The following DIS3L2 variants were observed in gnomAD, a reference collection of about 807,000 sequenced individuals.
DIS3L2 encodes DIS3 like 3'-5' exoribonuclease 2, also known as DIS3-like exonuclease 2.
In DIS3L2, 34 loss-of-function variants were observed where a neutral mutation model predicts 97.5. That is an observed-to-expected ratio of 0.35 (90% CI 0.27 to 0.46). The LOEUF (loss-of-function observed/expected upper bound fraction) is 0.46, where lower values mean the gene tolerates loss of function less well. DIS3L2 is among the 20% of genes least tolerant of loss of function. The probability of loss-of-function intolerance (pLI) is 1.00; values close to 1 mark genes in which losing one functional copy is unlikely to be tolerated. For missense variants in DIS3L2, 1,038 were observed against 1,146.0 expected, an observed-to-expected ratio of 0.91 and a Z score of 1.36; for synonymous variants, 435 against 445.2, an observed-to-expected ratio of 0.98 and a Z score of 0.29.
rs34104229 is a variant in DIS3L2, at chr2:232,325,828, C to T, written c.1740-3985C>T. ...GGCCCAGTGATCTCACGCCTGTGCC[C>T]CTGGTGCTGGGAGGAGTGGGGTGAC... On this transcript the variant is annotated intron_variant, in intron 14 of 20. Coordinates refer to ENST00000325385, the MANE Select transcript of DIS3L2 (RefSeq NM_152383.5). The surrounding 1 kb of genome is among the most constrained non-coding windows in gnomAD (Gnocchi z 4.6). Among the ~76,000 whole-genome samples the T allele has an allele frequency of 2.5e-3, 378 of 152,286 alleles. 1 individual carries two copies. The highest frequency in any genetic ancestry group is 4.4e-3 in the Non-Finnish European group (297 of 68,002).
chr2:232,331,525 G>T (rs1695738120), intron 16 of DIS3L2: 1 of 152,266 alleles, frequency 6.6e-6, no homozygotes, highest in South Asian at 2.1e-4. Flanking sequence ...AGCTCTGCTG[G>T]GTTTGAAGCC....
chr2:232,072,135 C>T (rs908747908), intron 5 of DIS3L2, among the ~76,000 whole-genome samples: 1 of 152,000 alleles, frequency 6.6e-6, no homozygotes, highest in African/African-American at 2.4e-5. Context: ...GGGGAAGGAC[C>T]AGAGTGCTTT....
At chr2:232,014,740 A>G (rs1211836918) in intron 1 of DIS3L2, 95 bp from the exon 2 acceptor site, 2 of 528,136 alleles carry the variant, frequency 3.8e-6, no homozygotes, top group Middle Eastern at 4.9e-4. Flanking sequence ...GAGGGGCACC[A>G]TGTTGCCTTT....
At chr2:232,043,814 G>A (rs1695169804) in intron 5 of DIS3L2, among the ~76,000 whole-genome samples, 1 of 152,162 alleles carries the variant, frequency 6.6e-6, no homozygotes, top group Non-Finnish European at 1.5e-5. Context: ...AAACCACAAA[G>A]AGTTTATCAT....
chr2:231,970,657 G>A (rs1003432765), intron 1 of DIS3L2, among the ~76,000 whole-genome samples: 1 of 152,226 alleles, frequency 6.6e-6, no homozygotes, highest in Non-Finnish European at 1.5e-5. Flanking sequence ...CAGTGAGTGA[G>A]TGGTGAATGA....
intron 9 of DIS3L2, among the ~76,000 whole-genome samples, chr2:232,196,869 C>T (rs1421701525): frequency 3.3e-5 from 5 of 151,708 alleles, no homozygotes; most frequent in African/African-American, 9.7e-5. Flanking sequence ...GGAGCTGGCA[C>T]CATTGTAATG....
At chr2:232,264,557 C>G (rs1391412924) in intron 13 of DIS3L2, among the ~76,000 whole-genome samples, 1 of 151,624 alleles carries the variant, frequency 6.6e-6, no homozygotes. Context: ...ATATTTCTCA[C>G]CCAAACACTC....
At chr2:232,340,358 T>C (rs1442686667), downstream of DIS3L2, among the ~76,000 whole-genome samples, 1 of 152,158 alleles carries the variant, frequency 6.6e-6, no homozygotes, top group East Asian at 1.9e-4. Context: ...TGGGGACCTC[T>C]GGGCTGGGGT....
At chr2:232,170,504 C>T (rs984239473) in intron 9 of DIS3L2, among the ~76,000 whole-genome samples, 8 of 152,110 alleles carry the variant, frequency 5.3e-5, no homozygotes, top group African/African-American at 1.9e-4. Flanking sequence ...TATTTCCTTA[C>T]TATTCCCTCA....
intron 6 of DIS3L2, among the ~76,000 whole-genome samples, chr2:232,109,954 T>G (rs957005510): frequency 1.3e-5 from 2 of 152,152 alleles, no homozygotes; most frequent in African/African-American, 4.8e-5. Context: ...TTGCAAACTA[T>G]CCATCTGACA....
At chr2:232,213,424 A>G (rs1327260255) in intron 10 of DIS3L2, among the ~76,000 whole-genome samples, 1 of 152,174 alleles carries the variant, frequency 6.6e-6, no homozygotes, top group East Asian at 1.9e-4. Flanking sequence ...TGAGTTGGTC[A>G]GGCAAACAGT....
At chr2:232,080,753 TA>T (rs1161847186) in intron 5 of DIS3L2, among the ~76,000 whole-genome samples, 1 of 151,880 alleles carries the variant, frequency 6.6e-6, no homozygotes, top group Non-Finnish European at 1.5e-5. Context: ...ATACAAAAAT[TA>T]GCCAGGTATG....
chr2:232,054,900 A>T (rs1444830990), intron 5 of DIS3L2, among the ~76,000 whole-genome samples: 1 of 152,240 alleles, frequency 6.6e-6, no homozygotes, highest in African/African-American at 2.4e-5. Context: ...TGTAGGGATA[A>T]TAGATTATGA....
At chr2:232,186,944 G>A (rs1443011438) in intron 9 of DIS3L2, among the ~76,000 whole-genome samples, 2 of 151,990 alleles carry the variant, frequency 1.3e-5, no homozygotes, top group Non-Finnish European at 2.9e-5. Context: ...TAGACAAATT[G>A]GACTTCATCA....
intron 5 of DIS3L2, among the ~76,000 whole-genome samples, chr2:232,042,737 C>A (rs943713830): frequency 2.6e-5 from 4 of 152,152 alleles, no homozygotes; most frequent in African/African-American, 9.7e-5. Flanking sequence ...GATAGAGTAG[C>A]TTATTTATGC....
intron 8 of DIS3L2, among the ~76,000 whole-genome samples, chr2:232,159,273 G>A (rs1050825687): frequency 1.3e-5 from 2 of 152,332 alleles, no homozygotes; most frequent in South Asian, 4.1e-4. Context: ...TGGCTGTAAT[G>A]CCAGTTATTC....
chr2:232,182,099 T>C (rs1189011211), intron 9 of DIS3L2, among the ~76,000 whole-genome samples: 1 of 152,244 alleles, frequency 6.6e-6, no homozygotes, highest in East Asian at 1.9e-4. Context: ...CTGATTGCTT[T>C]AGCTACATCC....
At chr2:231,998,028 T>C (rs1194536044) in intron 1 of DIS3L2, among the ~76,000 whole-genome samples, 1 of 152,222 alleles carries the variant, frequency 6.6e-6, no homozygotes, top group African/African-American at 2.4e-5. Context: ...GTTTTTCCTT[T>C]CATGATTTTA....
chr2:232,011,357 CTT>C (rs922510920), intron 1 of DIS3L2, among the ~76,000 whole-genome samples: 4 of 144,120 alleles, frequency 2.8e-5, no homozygotes, highest in Non-Finnish European at 3.1e-5. Context: ...CATTTTCTTT[CTT>C]TTTTTTTTTT....
Sources: allele counts gnomAD v4.1 joint callset (sites outside exome capture counted in the v4.1 genomes callset), GRCh38; gene constraint gnomAD v4.1.1; non-coding constraint Gnocchi (gnomAD v3.1); transcripts MANE v1.5; gene names NCBI Gene and HGNC (gene_info 2026-07-23, HGNC 2026-07-21).